The following MAP3K4 variants were observed in gnomAD, a reference collection of about 807,000 sequenced individuals.
MAP3K4 encodes the protein MAP three kinase 1.
Under a neutral mutation model 185.6 loss-of-function variants are expected in MAP3K4, and 67 were observed. That is an observed-to-expected ratio of 0.36 (90% confidence interval 0.30 to 0.44). The LOEUF (loss-of-function observed/expected upper bound fraction) is 0.44, where lower values mean the gene tolerates loss of function less well. Among genes scored for constraint, MAP3K4 ranks in the 20% least tolerant of loss-of-function variants. The pLI, the probability that MAP3K4 is intolerant of heterozygous loss-of-function variation, is 1.00. For missense variants in MAP3K4, 1,551 were observed against 1,995.1 expected, an observed-to-expected ratio of 0.78 and a Z score of 4.24; for synonymous variants, 702 against 710.4, an observed-to-expected ratio of 0.99 and a Z score of 0.19.
chr6:161,009,314 G>A lies in MAP3K4; in HGVS notation c.152+17231G>A, dbSNP rs9458086. Among the ~76,000 whole-genome samples the A allele has an allele frequency of 4.0e-3, 603 of 152,212 alleles. 7 individuals carry two copies. Among genetic ancestry groups the A allele is most frequent in the African/African-American group, 0.014 (567 of 41,528 alleles). On this transcript the variant is annotated intron_variant, in intron 1 of 26. Coordinates refer to ENST00000392142, the MANE Select transcript of MAP3K4 (RefSeq NM_005922.4). ...ATTTTTAAGGGTACAGTTCAGTAGCGTTGTTAAGTACATTTATTTACACTA... is the reference window on the plus strand; with the variant it reads ...ATTTTTAAGGGTACAGTTCAGTAGCATTGTTAAGTACATTTATTTACACTA...
intron 7 of MAP3K4, among the ~76,000 whole-genome samples, chr6:161,085,833 A>G (rs1785682967): frequency 1.3e-5 from 2 of 152,218 alleles, no homozygotes; most frequent in South Asian, 4.1e-4. Context: ...GGCCATGGGC[A>G]GTGGTGTGCT....
rs1583164825 is a variant in MAP3K4 at position 161,048,547 on chromosome 6, T to C, written c.344-69T>C. ...TAAATATGTGTGAATACCAGTTTTA[T>C]TGAAAATATTGAGAGTAGCTTCATA... On this transcript the variant is annotated intron_variant, in intron 2 of 26. Transcript: ENST00000392142. This position sits in a 1 kb window ranked among gnomAD's most constrained non-coding sequence, Gnocchi z 4.7. The C allele has an allele frequency of 2.9e-6, 3 of 1,045,162 alleles. No individual in the cohort carries two copies. Among genetic ancestry groups the C allele is most frequent in the East Asian group, 2.6e-5 (1 of 37,794 alleles). The allele number at this position is 1,045,162 out of a possible 1,614,324, so 64.7% of individuals were successfully genotyped here.
Position 161,022,321 on chromosome 6 carries a change from T to G in MAP3K4, c.153-11938T>G, listed in dbSNP as rs564721719. ...AAATAAACCAGGCAGAATCCCCACT[T>G]TTTCTCTCATTTAACTTGTAGCCAA... On this transcript the variant is annotated intron_variant, in intron 1 of 26. Coordinates refer to ENST00000392142, the MANE Select transcript of MAP3K4 (RefSeq NM_005922.4). This position sits in a 1 kb window ranked among gnomAD's most constrained non-coding sequence, Gnocchi z 4.2. 1 of 152,342 alleles carries G rather than the reference T, an allele frequency of 6.6e-6. No individual in the cohort carries two copies. The highest frequency in any genetic ancestry group is 1.5e-5 in the Non-Finnish European group (1 of 68,032). 9.4% of individuals were successfully genotyped at this position (152,342 alleles called of 1,614,324 possible).
rs1336289753 is a variant in MAP3K4 at position 161,102,634 on chromosome 6, AGTT to A, written c.3776-61_3776-59del. On this transcript the variant is annotated intron_variant, in intron 18 of 26. Transcript: ENST00000392142. Reference sequence around the variant, plus strand: ...GCTTTTAACCATTACCTTTCCTTTCAGTTGTTCTCAAATAAGCATATTTATTTC... The same window carrying A: ...GCTTTTAACCATTACCTTTCCTTTCAGTTCTCAAATAAGCATATTTATTTC... The A allele has an allele frequency of 7.3e-6, 8 of 1,091,988 alleles. No homozygotes were observed. In the East Asian group the frequency reaches 1.3e-4, roughly 18 times the overall value. 67.6% of individuals were successfully genotyped at this position (1,091,988 alleles called of 1,614,324 possible).
intron 3 of MAP3K4, among the ~76,000 whole-genome samples, chr6:161,069,604 A>C (rs1444825563): frequency 6.6e-6 from 1 of 152,190 alleles, no homozygotes; most frequent in African/African-American, 2.4e-5. Context: ...TGGAAGTGTC[A>C]GATGAGAGTA....
rs774358341 is a variant in MAP3K4 at position 161,093,083 on chromosome 6, A to G, written c.3348+27A>G. On this transcript the variant is annotated intron_variant, in intron 14 of 26. Coordinates refer to ENST00000392142, the MANE Select transcript of MAP3K4 (RefSeq NM_005922.4). The surrounding 1 kb of genome is among the most constrained non-coding windows in gnomAD (Gnocchi z 5.2). Reference sequence around the variant, plus strand: ...TATGGATTATTCTAAAGTTTTTTTCATTATAAAATAAGCCAGTCACTCCTT... The same window carrying G: ...TATGGATTATTCTAAAGTTTTTTTCGTTATAAAATAAGCCAGTCACTCCTT... 2 of 1,499,114 alleles carry G rather than the reference A, an allele frequency of 1.3e-6. No homozygotes were observed. Among genetic ancestry groups the G allele is most frequent in the Non-Finnish European group, 1.8e-6 (2 of 1,082,258 alleles). The allele number at this position is 1,499,114 out of a possible 1,614,324, so 92.9% of individuals were successfully genotyped here.
In MAP3K4 at chr6:161,106,194, G is replaced by C. The variant is rs1778062536; in HGVS notation, c.3857-320G>C. ...ATCACATTTTATGTTTTAATAATATGGCAAACAAGAGTGTGGAATGGAGAG... is the reference window on the plus strand; with the variant it reads ...ATCACATTTTATGTTTTAATAATATCGCAAACAAGAGTGTGGAATGGAGAG... On this transcript the variant is annotated intron_variant, in intron 19 of 26. Transcript: ENST00000392142. This position sits in a 1 kb window ranked among gnomAD's most constrained non-coding sequence, Gnocchi z 4.9. Among the ~76,000 whole-genome samples the C allele has an allele frequency of 6.6e-6, 1 of 152,040 alleles. No individual in the cohort carries two copies. The highest frequency in any genetic ancestry group is 2.4e-5 in the African/African-American group (1 of 41,392).
chr6:161,092,603 T>A (rs911167198), intron 13 of MAP3K4, among the ~76,000 whole-genome samples: 1 of 149,526 alleles, frequency 6.7e-6, no homozygotes, highest in Non-Finnish European at 1.5e-5. Context: ...GGCACTTTCT[T>A]AAAGTCATTA....
In MAP3K4 at chr6:161,043,703, C is replaced by G. The variant is rs1783594665; in HGVS notation, c.344-4913C>G. On this transcript the variant is annotated intron_variant, in intron 2 of 26. Coordinates refer to ENST00000392142, the MANE Select transcript of MAP3K4 (RefSeq NM_005922.4). The surrounding 1 kb of genome is among the most constrained non-coding windows in gnomAD (Gnocchi z 4.3). Reference sequence around the variant, plus strand: ...CATGTCAGAGATACGTGCACTTTAGCAGGAACGCAGTGATTTCGAACATAC... The same window carrying G: ...CATGTCAGAGATACGTGCACTTTAGGAGGAACGCAGTGATTTCGAACATAC... Among the ~76,000 whole-genome samples, 1 of 152,218 alleles carries G rather than the reference C, an allele frequency of 6.6e-6. No individual in the cohort carries two copies. The highest frequency in any genetic ancestry group is 1.5e-5 in the Non-Finnish European group (1 of 68,044).
Position 161,108,766 on chromosome 6 carries a change from T to C in MAP3K4, c.4143T>C (p.His1381=). Residue 1381 remains histidine, a synonymous_variant, in exon 22 of 27, where the codon CAT becomes CAC. Transcript: ENST00000392142. This position sits in a 1 kb window ranked among gnomAD's most constrained non-coding sequence, Gnocchi z 5.7. ...MKEIRFQPND[H]KTIKETADEL... ...AGATTCGATTTCAACCTAATGACCA[T>C]AAGACTATCAAGGAAACTGCAGACG... 2 of 1,613,346 alleles carry C rather than the reference T, an allele frequency of 1.2e-6. No homozygotes were observed. Among genetic ancestry groups the C allele is most frequent in the Non-Finnish European group, 1.7e-6 (2 of 1,179,310 alleles).
chr6:161,102,108 C>A, intron 18 of MAP3K4, 116 bp downstream of exon 18: 1 of 780,512 alleles, frequency 1.3e-6, no homozygotes, highest in East Asian at 2.7e-5. Context: ...TTTTTTTGGT[C>A]CTTTCTAAAG....
At chr6:161,094,121 A>G (rs952335418) in intron 15 of MAP3K4, among the ~76,000 whole-genome samples, 2 of 152,172 alleles carry the variant, frequency 1.3e-5, no homozygotes, top group Admixed American at 1.3e-4. Context: ...CAACACTACC[A>G]TTCTTTTTTC....
In MAP3K4 at chr6:161,100,838, T is replaced by A. The variant is rs1005316161; in HGVS notation, c.3675-1054T>A. On this transcript the variant is annotated intron_variant, in intron 17 of 26. Coordinates refer to ENST00000392142, the MANE Select transcript of MAP3K4 (RefSeq NM_005922.4). The surrounding 1 kb of genome is among the most constrained non-coding windows in gnomAD (Gnocchi z 5.8). ...GCTTCCTCACTTCAACACCAGTGGT[T>A]TTCCCGTCAGATAGTGCCGAATTTT... 7.2e-5 allele frequency among the ~76,000 whole-genome samples: 11 copies of A among 152,130 alleles called. No individual in the cohort carries two copies. Among genetic ancestry groups the A allele is most frequent in the African/African-American group, 2.7e-4 (11 of 41,426 alleles).
In MAP3K4 at chr6:161,049,680, A is replaced by G. The variant is rs959038902; in HGVS notation, c.1408A>G (p.Arg470Gly). ...TGAAGAAGAACAAATCTCTGATCCT[A>G]GGGTACCGGAAATCAGACAGCCCAT... Reference protein sequence around the residue: ...ESEEEQISDPRVPEIRQPIDN... With the variant: ...ESEEEQISDPGVPEIRQPIDN... Residue 470 changes from arginine (R) to glycine (G), a missense_variant, in exon 3 of 27, where the codon AGG (arginine) becomes GGG (glycine). Physicochemically the swap from Arg to Gly is moderately radical, Grantham distance 125 (BLOSUM62 -2). This residue lies in a region of MAP3K4 where 126 missense variants were observed against 112.8 expected (regional missense o/e 1.12). Coordinates refer to ENST00000392142, the MANE Select transcript of MAP3K4 (RefSeq NM_005922.4). The surrounding 1 kb of genome is among the most constrained non-coding windows in gnomAD (Gnocchi z 8.4). The G allele has an allele frequency of 6.2e-7, 1 of 1,614,132 alleles. No homozygotes were observed. Among genetic ancestry groups the G allele is most frequent in the Non-Finnish European group, 8.5e-7 (1 of 1,179,990 alleles).
Position 161,098,486 on chromosome 6 carries a change from C to CAA in MAP3K4, c.3674+60_3674+61dup. 1 of 1,556,760 alleles carries CAA rather than the reference C, an allele frequency of 6.4e-7. No individual in the cohort carries two copies. Among genetic ancestry groups the CAA allele is most frequent in the Non-Finnish European group, 8.7e-7 (1 of 1,145,872 alleles). ...CCACCCCTTACATGCGCTTACACAG[C>CAA]AACCATAGTGTTAGGGTGTGTGCCG... On this transcript the variant is annotated intron_variant, in intron 17 of 26. Coordinates refer to ENST00000392142, the MANE Select transcript of MAP3K4 (RefSeq NM_005922.4). The surrounding 1 kb of genome is among the most constrained non-coding windows in gnomAD (Gnocchi z 4.4).
intron 1 of MAP3K4, among the ~76,000 whole-genome samples, chr6:161,013,090 A>G (rs114042792): frequency 1.6e-3 from 241 of 152,312 alleles, no homozygotes; most frequent in African/African-American, 5.6e-3. Flanking sequence ...TAATATCACA[A>G]TAATTTCCTC....
chr6:161,049,138 A>G lies in MAP3K4; in HGVS notation c.866A>G (p.Gln289Arg), dbSNP rs1309243182. 1.9e-6 allele frequency: 3 copies of G among 1,614,042 alleles called. No individual in the cohort carries two copies. In the African/African-American group the frequency reaches 4.0e-5, roughly 22 times the overall value. The change falls in exon 3 of 27, where the codon CAA (glutamine) becomes CGA (arginine). Residue 289 changes from glutamine (Q) to arginine (R), a missense_variant. Gln to Arg is a conservative substitution (Grantham distance 43). Coordinates refer to ENST00000392142, the MANE Select transcript of MAP3K4 (RefSeq NM_005922.4). The surrounding 1 kb of genome is among the most constrained non-coding windows in gnomAD (Gnocchi z 8.4). ...GACTTCTTTTTATATACAGCCCGTC[A>G]AGCCATCCCAGATATTATTAATGAA... ...DQDFFLYTAR[Q>R]AIPDIINEIL...
intron 3 of MAP3K4, among the ~76,000 whole-genome samples, chr6:161,057,913 G>C (rs956363339): frequency 3.3e-5 from 5 of 152,194 alleles, no homozygotes. Context: ...TTGGACTATA[G>C]TGAGCAAACC....
intron 6 of MAP3K4, among the ~76,000 whole-genome samples, chr6:161,083,956 C>G (rs1477856106): frequency 6.6e-6 from 1 of 152,162 alleles, no homozygotes; most frequent in African/African-American, 2.4e-5. Context: ...CTTGAACATC[C>G]TAAGTCAGTA....
Sources: gnomAD v4.1 joint callset for allele counts (sites outside exome capture counted in the v4.1 genomes callset) on GRCh38, gnomAD v4.1.1 for gene constraint, gnomAD v4.1.1 regional missense constraint, Gnocchi (gnomAD v3.1) non-coding constraint, MANE v1.5 for transcripts, NCBI Gene and HGNC (gene_info 2026-07-23, HGNC 2026-07-21) for gene names.